The following RLF variants were observed in gnomAD, a reference collection of about 807,000 sequenced individuals.
RLF encodes zinc finger protein Rlf.
In RLF, 7 loss-of-function variants were observed where a neutral mutation model predicts 162.9. That is an observed-to-expected ratio of 0.04 (90% CI 0.02 to 0.08). The LOEUF is 0.08. Among genes scored for constraint, RLF ranks in the 10% least tolerant of loss-of-function variants. The pLI, the probability that RLF is intolerant of heterozygous loss-of-function variation, is 1.00. For missense variants in RLF, 1,664 were observed against 2,244.7 expected, an observed-to-expected ratio of 0.74 and a Z score of 5.23; for synonymous variants, 782 against 791.5, an observed-to-expected ratio of 0.99 and a Z score of 0.20.
Position 40,193,139 on chromosome 1 carries a change from A to G in RLF, c.474+2286A>G, listed in dbSNP as rs187134053. 5.0e-3 allele frequency among the ~76,000 whole-genome samples: 755 copies of G among 151,870 alleles called. 10 individuals are homozygous for G. The highest frequency in any genetic ancestry group is 0.017 in the African/African-American group (685 of 41,458). On this transcript the variant is annotated intron_variant, in intron 3 of 7. Coordinates refer to ENST00000372771, the MANE Select transcript of RLF (RefSeq NM_012421.4). Reference sequence around the variant, plus strand: ...AGAGTGGTCTTAGCAAAAAAAAAAAAAAAAAAAGAGCATCTTGTGCTATTA... The same window carrying G: ...AGAGTGGTCTTAGCAAAAAAAAAAAGAAAAAAAGAGCATCTTGTGCTATTA...
chr1:40,189,773 G>C (rs916666233), intron 2 of RLF, among the ~76,000 whole-genome samples: 2 of 151,936 alleles, frequency 1.3e-5, no homozygotes, highest in Admixed American at 1.3e-4. Context: ...CTGCACTCCA[G>C]CCTGGGTGGT....
Position 40,161,582 on chromosome 1 carries a change from G to A in RLF, c.183G>A (p.Arg61=), listed in dbSNP as rs1642085242. The change falls in exon 1 of 8, where the codon AGG becomes AGA. Residue 61 remains arginine, a synonymous_variant. Transcript: ENST00000372771. The surrounding 1 kb of genome is among the most constrained non-coding windows in gnomAD (Gnocchi z 4.4). ...PCLWQLETEL[R]EQEVSEVSSL... is the part of the protein sequence containing the mutation. ...TGTGGCAGCTGGAGACAGAGCTGAGGGAGCAAGAGGTGTCGGAGGTCTCAT... is the reference window on the plus strand; with the variant it reads ...TGTGGCAGCTGGAGACAGAGCTGAGAGAGCAAGAGGTGTCGGAGGTCTCAT... 3 of 1,613,202 alleles carry A rather than the reference G, an allele frequency of 1.9e-6. No homozygotes were observed. The highest frequency in any genetic ancestry group is 2.7e-5 in the African/African-American group (2 of 74,982).
At chr1:40,193,127 C>CA (rs76035508) in intron 3 of RLF, among the ~76,000 whole-genome samples, 22,294 of 64,764 alleles carry the variant, frequency 0.34, 3,187 homozygotes, top group Non-Finnish European at 0.44. Flanking sequence ...GTGGTCTTAG[C>CA]AAAAAAAAAA....
At chr1:40,219,865 A>C (rs1642969452) in intron 5 of RLF, among the ~76,000 whole-genome samples, 3 of 152,224 alleles carry the variant, frequency 2.0e-5, no homozygotes, top group African/African-American at 7.2e-5. Flanking sequence ...GAGAAAGTTA[A>C]ACTTTGCTTG....
intron 1 of RLF, among the ~76,000 whole-genome samples, chr1:40,183,502 C>T (rs1570524957): frequency 6.6e-6 from 1 of 152,092 alleles, no homozygotes; most frequent in South Asian, 2.1e-4. Flanking sequence ...GTTGTAAACT[C>T]GGGAAGAAGG....
intron 4 of RLF, among the ~76,000 whole-genome samples, chr1:40,197,719 C>T (rs1642656289): frequency 6.6e-6 from 1 of 152,112 alleles, no homozygotes; most frequent in Non-Finnish European, 1.5e-5. Context: ...TACATGATAC[C>T]TACATATCCA....
rs763557944 is a variant in RLF at position 40,237,500 on chromosome 1, T to C, written c.2798T>C (p.Phe933Ser). The C allele has an allele frequency of 8.1e-6, 13 of 1,614,110 alleles. No individual in the cohort carries two copies. The highest frequency in any genetic ancestry group is 1.1e-5 in the Non-Finnish European group (13 of 1,180,008). Residue 933 changes from phenylalanine (F) to serine (S), a missense_variant, in exon 8 of 8, where the codon TTT becomes TCT. Phe to Ser is a radical substitution (Grantham distance 155). This residue lies in a region of RLF where 295 missense variants were observed against 317.4 expected (regional missense o/e 0.93). Transcript: ENST00000372771. The surrounding 1 kb of genome is among the most constrained non-coding windows in gnomAD (Gnocchi z 4.4). ...GTATTGTTATCTAATGAGAAAGTCT[T>C]TGGGCCCTCCAGTTTAAAAGAAAAA... ...QDVLLSNEKV[F>S]GPSSLKEKCS... is the part of the protein sequence containing the mutation.
intron 5 of RLF, among the ~76,000 whole-genome samples, chr1:40,219,479 T>C (rs1227617685): frequency 6.6e-6 from 1 of 152,216 alleles, no homozygotes. Context: ...AATGATCAGA[T>C]GTCTCATTTA....
intron 1 of RLF, among the ~76,000 whole-genome samples, chr1:40,181,430 AAAAAGAAAAG>A (rs745549843): frequency 1.3e-5 from 2 of 152,218 alleles, no homozygotes; most frequent in African/African-American, 2.4e-5. Context: ...ACTCCATCTC[AAAAAGAAAAG>A]AAAAGAAAAG....
At position 40,235,610 on chromosome 1, in the gene RLF, A is replaced by G. The variant is rs573303271; in HGVS notation, c.1090-182A>G. Among the ~76,000 whole-genome samples the G allele has an allele frequency of 4.6e-5, 7 of 152,322 alleles. No individual in the cohort carries two copies. The South Asian group carries it at 8.3e-4, about 18-fold the overall frequency. On this transcript the variant is annotated intron_variant, in intron 7 of 7. Transcript: ENST00000372771. ...AATGTACATTGTTCGTAGTTGTAGC[A>G]TCTAATTTAGTTCTTTGCATGTTGA...
intron 1 of RLF, among the ~76,000 whole-genome samples, chr1:40,183,251 G>A (rs1278035576): frequency 6.6e-6 from 1 of 152,126 alleles, no homozygotes; most frequent in Non-Finnish European, 1.5e-5. Context: ...AATTTCACAT[G>A]CTGAGAAATT....
chr1:40,207,097 G>A (rs1570544959), intron 5 of RLF, among the ~76,000 whole-genome samples: 2 of 151,824 alleles, frequency 1.3e-5, no homozygotes, highest in Non-Finnish European at 1.5e-5. Context: ...TTGATTATTC[G>A]GTATTTCCTC....
intron 2 of RLF, among the ~76,000 whole-genome samples, chr1:40,190,207 A>G (rs1194734817): frequency 6.6e-6 from 1 of 152,102 alleles, no homozygotes; most frequent in Non-Finnish European, 1.5e-5. Context: ...TCATTATTCA[A>G]GTTGTAGTGC....
intron 1 of RLF, among the ~76,000 whole-genome samples, chr1:40,167,090 A>G (rs531290601): frequency 1.8e-3 from 275 of 152,308 alleles, no homozygotes; most frequent in African/African-American, 6.3e-3. Flanking sequence ...CTAAGCCTAC[A>G]TTCATATAAT....
intron 1 of RLF, among the ~76,000 whole-genome samples, chr1:40,187,122 C>G (rs1321818579): frequency 6.6e-6 from 1 of 151,936 alleles, no homozygotes; most frequent in Non-Finnish European, 1.5e-5. Context: ...ACCTCCGCCT[C>G]CCAGGTTCAA....
rs1300623945 is a variant in RLF, at chr1:40,239,688, T to C, written c.4986T>C (p.Asp1662=). 1 of 1,614,096 alleles carries C rather than the reference T, an allele frequency of 6.2e-7. No homozygotes were observed. Among genetic ancestry groups the C allele is most frequent in the Non-Finnish European group, 8.5e-7 (1 of 1,180,040 alleles). ...KGCIESSSVF[D]ADTLLYRGTL... is the part of the protein sequence containing the mutation. ...GCATAGAAAGCAGCTCAGTATTTGATGCAGATACTCTGCTCTACAGGGGAA... is the reference window on the plus strand; with the variant it reads ...GCATAGAAAGCAGCTCAGTATTTGACGCAGATACTCTGCTCTACAGGGGAA... The change falls in exon 8 of 8, where the codon GAT becomes GAC. Residue 1662 remains aspartate (D), a synonymous_variant. Transcript: ENST00000372771.
At position 40,161,425 on chromosome 1, in the gene RLF, C is replaced by T. The variant is rs965833391; in HGVS notation, c.26C>T (p.Ala9Val). 13 of 1,550,860 alleles carry T rather than the reference C, an allele frequency of 8.4e-6. No homozygotes were observed. Among genetic ancestry groups the T allele is most frequent in the Non-Finnish European group, 1.0e-5 (12 of 1,154,370 alleles). ...ATGGCGGACGGAAAGGGAGACGCCGCCGCTGTCGCCGGGGCTGGGGCTGAG... is the reference window on the plus strand; with the variant it reads ...ATGGCGGACGGAAAGGGAGACGCCGTCGCTGTCGCCGGGGCTGGGGCTGAG... Reference protein sequence around the residue: MADGKGDAAAVAGAGAEAP... With the variant: MADGKGDAVAVAGAGAEAP... The change falls in exon 1 of 8, where the codon GCC (alanine) becomes GTC (valine). Residue 9 changes from alanine to valine, a missense_variant. By Grantham distance (64) the Ala-to-Val change is moderately conservative. Transcript: ENST00000372771. This position sits in a 1 kb window ranked among gnomAD's most constrained non-coding sequence, Gnocchi z 4.4.
At chr1:40,177,111 C>T (rs1329038834) in intron 1 of RLF, among the ~76,000 whole-genome samples, 1 of 151,912 alleles carries the variant, frequency 6.6e-6, no homozygotes, top group South Asian at 2.1e-4. Context: ...CCTCAGACTC[C>T]TGAGTAGCTG....
intron 4 of RLF, among the ~76,000 whole-genome samples, chr1:40,197,230 A>G (rs1642649484): frequency 6.6e-6 from 1 of 151,584 alleles, no homozygotes; most frequent in South Asian, 2.1e-4. Flanking sequence ...CACTGACAAG[A>G]AAAAAAAAGA....
Sources: allele counts gnomAD v4.1 joint callset (sites outside exome capture counted in the v4.1 genomes callset), GRCh38; gene constraint gnomAD v4.1.1; regional missense constraint gnomAD v4.1.1; non-coding constraint Gnocchi (gnomAD v3.1); transcripts MANE v1.5; gene names NCBI Gene and HGNC (gene_info 2026-07-23, HGNC 2026-07-21).